Variants in IMPA2 observed in about 807,000 individuals in gnomAD.
IMPA2 encodes inositol monophosphatase 2.
A neutral mutation model predicts 35.1 loss-of-function variants in IMPA2; 32 were observed. The ratio of observed to expected loss-of-function variants is 0.91; its 90% CI spans 0.69 to 1.23. IMPA2 has a LOEUF of 1.23. IMPA2 is among the 50% of genes most tolerant of loss of function. The pLI, the probability that IMPA2 is intolerant of heterozygous loss-of-function variation, is 0.00. For missense variants in IMPA2, 334 were observed against 387.6 expected, an observed-to-expected ratio of 0.86 and a Z score of 1.16; for synonymous variants, 135 against 160.6, an observed-to-expected ratio of 0.84 and a Z score of 1.20.
In IMPA2 at chr18:12,014,288, C is replaced by T; in HGVS notation, c.405C>T (p.His135=). 1.2e-6 allele frequency: 2 copies of T among 1,614,012 alleles called. No individual in the cohort carries two copies. The highest frequency in any genetic ancestry group is 1.7e-6 in the Non-Finnish European group (2 of 1,179,904). The change falls in exon 5 of 8, where the codon CAC becomes CAT. Residue 135 remains histidine (H), a synonymous_variant. Coordinates refer to ENST00000269159, the MANE Select transcript of IMPA2 (RefSeq NM_014214.3). The part of the protein sequence containing the change: ...RQELEFGVIY[H]CTEERLYTGR... ...AGCTTGAATTCGGAGTGATTTACCA[C>T]TGCACAGAGGAGCGGCTGTACACGG...
In IMPA2 at chr18:12,013,308, C is replaced by T. The variant is rs145955350; in HGVS notation, c.382-957C>T. Among the ~76,000 whole-genome samples, 13 of 152,266 alleles carry T rather than the reference C, an allele frequency of 8.5e-5. No homozygotes were observed. In the East Asian group the frequency reaches 1.9e-3, roughly 23 times the overall value. On this transcript the variant is annotated intron_variant, in intron 4 of 7. Transcript: ENST00000269159. ...GGAACCAGCCGAATTCTAGGACTGA[C>T]CTGGTCATGAGGATTCCTTTAAAGC...
At chr18:12,016,326 C>T (rs1045285248) in intron 5 of IMPA2, among the ~76,000 whole-genome samples, 3 of 152,112 alleles carry the variant, frequency 2.0e-5, no homozygotes, top group Non-Finnish European at 4.4e-5. Flanking sequence ...TGTTTTCTTT[C>T]CTATGGGTAG....
Position 12,028,086 on chromosome 18 carries a change from T to TGACCCTGC in IMPA2, c.542_549dup (p.Lys184ArgfsTer3). 1.2e-6 allele frequency: 2 copies of TGACCCTGC among 1,614,092 alleles called. No homozygotes were observed. Among genetic ancestry groups the TGACCCTGC allele is most frequent in the East Asian group, 4.5e-5 (2 of 44,872 alleles). ...TTCTGACAGAAATTGGCCCCAAACG[T>TGACCCTGC]GACCCTGCGACCCTGAAGCTGTTCC... On this transcript the variant is annotated frameshift_variant, in exon 6 of 8. Coordinates refer to ENST00000269159, the MANE Select transcript of IMPA2 (RefSeq NM_014214.3). LOFTEE classifies it high-confidence loss of function.
At chr18:11,995,287 A>G (rs3859297) in intron 1 of IMPA2, among the ~76,000 whole-genome samples, 3,273 of 152,206 alleles carry the variant, frequency 0.022, 67 homozygotes, top group Non-Finnish European at 0.031. Context: ...GCCTGTGGTG[A>G]GGGGGAATGG....
intron 1 of IMPA2, among the ~76,000 whole-genome samples, chr18:11,992,266 C>T (rs684680): frequency 0.33 from 49,861 of 152,212 alleles, 10,442 homozygotes; most frequent in East Asian, 0.6. Flanking sequence ...TGGGGCGTGT[C>T]GTCAGGTGCA....
chr18:12,028,427 T>G, intron 6 of IMPA2: 1 of 481,472 alleles, frequency 2.1e-6, no homozygotes, highest in East Asian at 3.3e-5. Context: ...GTGCAAATAC[T>G]TACAGTCCTT....
chr18:12,025,788 C>T (rs1431345918), intron 5 of IMPA2, among the ~76,000 whole-genome samples: 1 of 152,094 alleles, frequency 6.6e-6, no homozygotes, highest in Non-Finnish European at 1.5e-5. Context: ...CCATGTTGGC[C>T]AGGCTGGTCT....
intron 1 of IMPA2, among the ~76,000 whole-genome samples, chr18:11,989,252 C>T (rs1042770291): frequency 2.0e-5 from 3 of 152,154 alleles, no homozygotes; most frequent in African/African-American, 7.2e-5. Context: ...TTCATTTCTC[C>T]AGAAAAGGCT....
chr18:11,987,617 C>T (rs1323601418), intron 1 of IMPA2, among the ~76,000 whole-genome samples: 2 of 152,242 alleles, frequency 1.3e-5, no homozygotes, highest in South Asian at 2.1e-4. Context: ...AGGCACGAGC[C>T]ACTGCGCCTG....
chr18:12,000,995 G>C (rs1441205500), intron 2 of IMPA2, among the ~76,000 whole-genome samples: 2 of 151,280 alleles, frequency 1.3e-5, no homozygotes, highest in Non-Finnish European at 3.0e-5. Flanking sequence ...ACTTTGGGAG[G>C]CTGAGGCGGG....
intron 2 of IMPA2, among the ~76,000 whole-genome samples, chr18:12,005,891 A>G (rs1273353703): frequency 6.6e-6 from 1 of 152,204 alleles, no homozygotes. Context: ...AGAATTGCAC[A>G]TTCCTCCTCA....
intron 2 of IMPA2, among the ~76,000 whole-genome samples, chr18:12,003,671 GAAAAA>G (rs56354907): frequency 1.8e-5 from 2 of 108,196 alleles, no homozygotes; most frequent in Non-Finnish European, 3.4e-5. Context: ...AAAAGAAAAG[GAAAAA>G]AAAAAAAAAA....
At chr18:12,012,030 T>C in intron 3 of IMPA2, 140 bp from the exon 4 acceptor site, 1 of 675,372 alleles carries the variant, frequency 1.5e-6, no homozygotes, top group Non-Finnish European at 2.7e-6. Flanking sequence ...AGTGAAACTG[T>C]GGGAAGTAGT....
chr18:11,995,989 T>A (rs1906949150), intron 1 of IMPA2, among the ~76,000 whole-genome samples: 1 of 151,960 alleles, frequency 6.6e-6, no homozygotes, highest in Non-Finnish European at 1.5e-5. Context: ...AGCCTCTGCC[T>A]AGGAGAGACA....
intron 6 of IMPA2, chr18:12,028,390 G>GCTGCTCA: frequency 1.9e-6 from 1 of 526,576 alleles, no homozygotes; most frequent in Non-Finnish European, 3.4e-6. Flanking sequence ...CCATGGAACT[G>GCTGCTCA]ACCTCATGCT....
At position 11,991,800 on chromosome 18, in the gene IMPA2, CT is replaced by C. The variant is rs1906821602; in HGVS notation, c.97-7251del. On this transcript the variant is annotated intron_variant, in intron 1 of 7. Transcript: ENST00000269159. The surrounding 1 kb of genome is among the most constrained non-coding windows in gnomAD (Gnocchi z 4.1). The stretch of plus-strand genomic sequence containing the variant: ...TGCCCACAGGAAGGAGAGGGATCTA[CT>C]TTCCTGATTAAGATGCTGATGCCCT... Among the ~76,000 whole-genome samples the C allele has an allele frequency of 1.3e-5, 2 of 151,986 alleles. No individual in the cohort carries two copies. Among genetic ancestry groups the C allele is most frequent in the African/African-American group, 4.8e-5 (2 of 41,328 alleles).
intron 1 of IMPA2, among the ~76,000 whole-genome samples, chr18:11,993,607 G>A (rs1199681280): frequency 6.6e-6 from 1 of 152,246 alleles, no homozygotes; most frequent in East Asian, 1.9e-4. Flanking sequence ...AGGAGACAGG[G>A]CAGTGACCAA....
rs752713094 is a variant in IMPA2, at chr18:12,012,209, A to G, written c.375A>G (p.Arg125=). 3.7e-6 allele frequency: 6 copies of G among 1,614,072 alleles called. No individual in the cohort carries two copies. Among genetic ancestry groups the G allele is most frequent in the Non-Finnish European group, 5.1e-6 (6 of 1,179,946 alleles). ...TVAVSIGFAV[R]QELEFGVIYH... ...CGGTTAGCATTGGATTTGCTGTTCG[A>G]CAAGAGGTGCGGGTGTGGCCCAGGT... Residue 125 remains arginine, a synonymous_variant, in exon 4 of 8, where the codon CGA becomes CGG. Coordinates refer to ENST00000269159, the MANE Select transcript of IMPA2 (RefSeq NM_014214.3).
At chr18:11,996,138 A>C (rs774240081) in intron 1 of IMPA2, among the ~76,000 whole-genome samples, 2 of 152,212 alleles carry the variant, frequency 1.3e-5, no homozygotes, top group African/African-American at 2.4e-5. Context: ...TAAGTTGTAG[A>C]AGGATCAGAA....
Sources: gnomAD v4.1 joint callset for allele counts (sites outside exome capture counted in the v4.1 genomes callset) on GRCh38, gnomAD v4.1.1 for gene constraint, Gnocchi (gnomAD v3.1) non-coding constraint, MANE v1.5 for transcripts, NCBI Gene and HGNC (gene_info 2026-07-23, HGNC 2026-07-21) for gene names.